The following ZNF737 variants were observed in gnomAD, a reference collection of about 807,000 sequenced individuals.
ZNF737 encodes the protein zinc finger protein 737.
In ZNF737, 13 loss-of-function variants were observed where a neutral mutation model predicts 11.7. The ratio of observed to expected loss-of-function variants is 1.11; its 90% CI spans 0.73 to 1.77. ZNF737 has a LOEUF of 1.77. ZNF737 is among the 40% of genes most tolerant of loss of function. ZNF737 has a pLI of 0.00. For missense variants in ZNF737, 636 were observed against 638.0 expected, an observed-to-expected ratio of 1.00 and a Z score of 0.03; for synonymous variants, 217 against 216.2, an observed-to-expected ratio of 1.00 and a Z score of -0.03.
intron 1 of ZNF737, among the ~76,000 whole-genome samples, chr19:20,561,908 TTTAATATA>T (rs1179921987): frequency 1.8e-4 from 27 of 152,260 alleles, no homozygotes; most frequent in African/African-American, 6.5e-4. Flanking sequence ...TGTTTAACAG[TTTAATATA>T]TAAGATGCAG....
rs1968413304 is a variant in ZNF737 at position 20,545,453 on chromosome 19, A to C, written c.750T>G (p.Ile250Met). ...RFSYLTAHKI[I>M]HSGEKPYKCE... is the part of the protein sequence containing the mutation. ...ATTTGTAGGGTTTCTCTCCACTATG[A>C]ATTATCTTATGTGCAGTAAGGTATG... is the stretch of plus-strand genomic sequence containing the variant. The change falls in exon 4 of 4, where the codon ATT (isoleucine) becomes ATG (methionine). Residue 250 changes from isoleucine to methionine, a missense_variant. Coordinates refer to ENST00000427401, the MANE Select transcript of ZNF737 (RefSeq NM_001159293.2). The C allele has an allele frequency of 3.1e-6, 5 of 1,613,690 alleles. No homozygotes were observed. The highest frequency in any genetic ancestry group is 4.2e-6 in the Non-Finnish European group (5 of 1,179,920).
At chr19:20,549,749 G>T (rs1555757934) in intron 3 of ZNF737, among the ~76,000 whole-genome samples, 2 of 151,734 alleles carry the variant, frequency 1.3e-5, no homozygotes, top group Non-Finnish European at 1.5e-5. Context: ...GGCCGAAGTG[G>T]TGAAGCCCCA....
downstream of ZNF737, among the ~76,000 whole-genome samples, chr19:20,531,728 G>A (rs8109177): frequency 0.31 from 45,688 of 149,392 alleles, 9,014 homozygotes; most frequent in East Asian, 0.5. Flanking sequence ...AAAGTGCTGG[G>A]CTTACAGGTG....
At chr19:20,563,806 C>T (rs1555763073) in intron 1 of ZNF737, among the ~76,000 whole-genome samples, 1 of 152,008 alleles carries the variant, frequency 6.6e-6, no homozygotes, top group African/African-American at 2.4e-5. Context: ...CATGTGATAC[C>T]TCCATAAGAA....
downstream of ZNF737, among the ~76,000 whole-genome samples, chr19:20,533,597 CAG>C (rs1451073010): frequency 6.7e-6 from 1 of 150,018 alleles, no homozygotes; most frequent in Non-Finnish European, 1.5e-5. Flanking sequence ...AGTAGCATGT[CAG>C]AATAAAACAT....
At chr19:20,550,875 C>G (rs563049946) in intron 3 of ZNF737, among the ~76,000 whole-genome samples, 1 of 152,334 alleles carries the variant, frequency 6.6e-6, no homozygotes, top group Admixed American at 6.5e-5. Flanking sequence ...TACCCCTGTT[C>G]ATGGCTACAG....
rs894655851 is a variant in ZNF737 at position 20,539,785 on chromosome 19, C to T, written c.*4807G>A. ...GGACATTACCCACTGGTCTTCATGG[C>T]ATTTCTGTAATAAATAGTGTAAACC... is the stretch of plus-strand genomic sequence containing the variant. On this transcript the variant is annotated 3_prime_UTR_variant, in exon 4 of 4. Transcript: ENST00000427401. The T allele has an allele frequency of 3.9e-5, 38 of 985,180 alleles. No individual in the cohort carries two copies. The African/African-American group carries it at 6.5e-4, about 17-fold the overall frequency. 61.0% of individuals were successfully genotyped at this position (985,180 alleles called of 1,614,324 possible).
rs1555763629 is a variant in ZNF737, at chr19:20,565,688, A to G, written c.-48T>C. On this transcript the variant is annotated 5_prime_UTR_variant, in exon 1 of 4. Coordinates refer to ENST00000427401, the MANE Select transcript of ZNF737 (RefSeq NM_001159293.2). ...GGGCGTCTTAGCTGTGGATCTCCCAATACCTGCAGGACACAGGGCCACAGA... is the reference window on the plus strand; with the variant it reads ...GGGCGTCTTAGCTGTGGATCTCCCAGTACCTGCAGGACACAGGGCCACAGA... 1.2e-6 allele frequency: 2 copies of G among 1,613,902 alleles called. No homozygotes were observed. Among genetic ancestry groups the G allele is most frequent in the Non-Finnish European group, 1.7e-6 (2 of 1,179,836 alleles).
the ZNF737 span, among the ~76,000 whole-genome samples, chr19:20,530,446 G>A: frequency 6.7e-6 from 1 of 149,530 alleles, no homozygotes; most frequent in Non-Finnish European, 1.5e-5. Context: ...TGGCTGCCGG[G>A]CGGAGACGCT....
chr19:20,548,917 A>G (rs1555757598), intron 3 of ZNF737, among the ~76,000 whole-genome samples: 1 of 133,970 alleles, frequency 7.5e-6, no homozygotes, highest in African/African-American at 2.8e-5. Flanking sequence ...AAGGTGGTAA[A>G]TTTTATATTA....
At chr19:20,537,207 T>G (rs111395888), downstream of ZNF737, among the ~76,000 whole-genome samples, 9,596 of 151,578 alleles carry the variant, frequency 0.063, 367 homozygotes, top group African/African-American at 0.11. Context: ...TTTTTTTTCT[T>G]TTTCTTTTTT....
rs2144597722 is a variant in ZNF737, at chr19:20,542,295, C to T, written c.*2297G>A. ...CCAGACTGGAGTGCAATCGCACAAT[C>T]TTGCCCCACTGCAACCTCTGCCTCC... On this transcript the variant is annotated 3_prime_UTR_variant, in exon 4 of 4. Coordinates refer to ENST00000427401, the MANE Select transcript of ZNF737 (RefSeq NM_001159293.2). 1 of 630,126 alleles carries T rather than the reference C, an allele frequency of 1.6e-6. No individual in the cohort carries two copies. The highest frequency in any genetic ancestry group is 8.1e-4 in the Middle Eastern group (1 of 1,228). 39.0% of individuals were successfully genotyped at this position (630,126 alleles called of 1,614,324 possible). A position where few individuals can be genotyped will look rare whatever the true frequency, so the allele number is the denominator to read the frequency against.
Position 20,543,288 on chromosome 19 carries a change from C to G in ZNF737, c.*1304G>C, listed in dbSNP as rs1218061709. 2 of 985,444 alleles carry G rather than the reference C, an allele frequency of 2.0e-6. No individual in the cohort carries two copies. Among genetic ancestry groups the G allele is most frequent in the African/African-American group, 3.5e-5 (2 of 57,246 alleles). 61.0% of individuals were successfully genotyped at this position (985,444 alleles called of 1,614,324 possible). On this transcript the variant is annotated 3_prime_UTR_variant, in exon 4 of 4. Coordinates refer to ENST00000427401, the MANE Select transcript of ZNF737 (RefSeq NM_001159293.2). Reference sequence around the variant, plus strand: ...CCTGATGTTGAACAAACTTGAGCAACTGCTTTAGGATTTTCCTCCAGTACA... The same window carrying G: ...CCTGATGTTGAACAAACTTGAGCAAGTGCTTTAGGATTTTCCTCCAGTACA...
Position 20,552,535 on chromosome 19 carries a change from G to A in ZNF737, c.166C>T (p.Leu56=), listed in dbSNP as rs782733422. The A allele has an allele frequency of 2.6e-5, 42 of 1,593,834 alleles. No homozygotes were observed. Among genetic ancestry groups the A allele is most frequent in the Admixed American group, 9.0e-5 (5 of 55,486 alleles). ...GTCAAAGGTTTTTTTCCTTGCTCCAGACAGGTGATGAGGTCTGGCTTAGAG... is the reference window on the plus strand; with the variant it reads ...GTCAAAGGTTTTTTTCCTTGCTCCAAACAGGTGATGAGGTCTGGCTTAGAG... ...VVSKPDLITC[L]EQGKKPLTMK... The change falls in exon 3 of 4, where the codon CTG becomes TTG. Residue 56 remains leucine (L), a synonymous_variant. Transcript: ENST00000427401.
chr19:20,548,962 G>GAAAAAAAAAAAAAA (rs3047010), intron 3 of ZNF737, among the ~76,000 whole-genome samples: 5 of 86,442 alleles, frequency 5.8e-5, no homozygotes, highest in East Asian at 3.4e-4. Flanking sequence ...AAGAAAAACT[G>GAAAAAAAAAAAAAA]AAAAAAAAAA....
At chr19:20,557,351 G>C (rs1968925223) in intron 1 of ZNF737, among the ~76,000 whole-genome samples, 1 of 152,004 alleles carries the variant, frequency 6.6e-6, no homozygotes. Context: ...TACAAGATAG[G>C]GTCAGACCTA....
rs1968269958 is a variant in ZNF737 at position 20,542,796 on chromosome 19, A to AT, written c.*1795dup. The AT allele has an allele frequency of 1.0e-6, 1 of 985,246 alleles. No individual in the cohort carries two copies. The highest frequency in any genetic ancestry group is 1.2e-6 in the Non-Finnish European group (1 of 829,884). 61.0% of individuals were successfully genotyped at this position (985,246 alleles called of 1,614,324 possible). The stretch of plus-strand genomic sequence containing the variant: ...TGTCCAAATAATGTAAAAAAATCGA[A>AT]TATCTCTGATGCAGAAGCCACTGAT... On this transcript the variant is annotated 3_prime_UTR_variant, in exon 4 of 4. Transcript: ENST00000427401.
At chr19:20,536,893 G>C (rs2122460493), downstream of ZNF737, among the ~76,000 whole-genome samples, 1 of 152,082 alleles carries the variant, frequency 6.6e-6, no homozygotes, top group Non-Finnish European at 1.5e-5. Context: ...CAGTGAGCCA[G>C]GATCATGCCA....
intron 3 of ZNF737, among the ~76,000 whole-genome samples, chr19:20,546,324 C>T (rs948494983): frequency 6.6e-6 from 1 of 152,112 alleles, no homozygotes; most frequent in Non-Finnish European, 1.5e-5. Context: ...CGGATGCAGT[C>T]GCTCATGCCT....
Sources: gnomAD v4.1 joint callset for allele counts (sites outside exome capture counted in the v4.1 genomes callset) on GRCh38, gnomAD v4.1.1 for gene constraint, MANE v1.5 for transcripts, NCBI Gene and HGNC (gene_info 2026-07-23, HGNC 2026-07-21) for gene names.